Variants in NCALD observed in about 807,000 individuals in gnomAD.
The protein encoded by NCALD is neurocalcin delta, also known as neurocalcin-delta.
In NCALD, 10 loss-of-function variants were observed where a neutral mutation model predicts 18.6. The ratio of observed to expected loss-of-function variants is 0.54; its 90% CI spans 0.33 to 0.91. NCALD has a LOEUF of 0.91. NCALD is among the 40% of genes least tolerant of loss of function. NCALD has a pLI of 0.03. For synonymous variants in NCALD, 88 were observed against 87.4 expected, an observed-to-expected ratio of 1.01 and a Z score of -0.04; for missense variants, 184 against 247.6, an observed-to-expected ratio of 0.74 and a Z score of 1.72.
chr8:101,770,335 A>G (rs1370306415), intron 1 of NCALD, among the ~76,000 whole-genome samples: 4 of 152,206 alleles, frequency 2.6e-5, no homozygotes, highest in Non-Finnish European at 5.9e-5. Flanking sequence ...GACATACTAG[A>G]CTAACCCCTT....
At chr8:101,817,144 C>T (rs1453429178) in intron 4 of NCALD, among the ~76,000 whole-genome samples, 1 of 152,088 alleles carries the variant, frequency 6.6e-6, no homozygotes, top group Non-Finnish European at 1.5e-5. Flanking sequence ...CTTGGTTGAA[C>T]CCAAACCGAG....
chr8:102,062,233 T>C (rs989465482), intron 1 of NCALD, among the ~76,000 whole-genome samples: 3 of 151,808 alleles, frequency 2.0e-5, no homozygotes, highest in African/African-American at 7.3e-5. Flanking sequence ...AGTCCAGGAG[T>C]TCAAGGTTAC....
At chr8:101,883,038 A>G (rs1171021582) in intron 4 of NCALD, among the ~76,000 whole-genome samples, 1 of 152,254 alleles carries the variant, frequency 6.6e-6, no homozygotes, top group East Asian at 1.9e-4. Flanking sequence ...AAATGTATAA[A>G]GCATATTAAA....
intron 2 of NCALD, among the ~76,000 whole-genome samples, chr8:101,953,969 G>A (rs933923662): frequency 1.3e-5 from 2 of 152,314 alleles, no homozygotes; most frequent in East Asian, 3.9e-4. Context: ...CCTAACTCCA[G>A]GTAGTCAGCA....
At chr8:101,888,703 C>T (rs1816763990) in intron 3 of NCALD, among the ~76,000 whole-genome samples, 1 of 152,086 alleles carries the variant, frequency 6.6e-6, no homozygotes, top group African/African-American at 2.4e-5. Flanking sequence ...AGGCACAAAC[C>T]ACCACACCCA....
intron 2 of NCALD, among the ~76,000 whole-genome samples, chr8:101,986,010 TTTTC>T (rs765213118): frequency 7.2e-5 from 11 of 151,914 alleles, no homozygotes; most frequent in African/African-American, 1.2e-4. Flanking sequence ...CTCAATCCAG[TTTTC>T]TTTCTTTCTT....
At chr8:101,868,255 G>T (rs533873368) in intron 4 of NCALD, among the ~76,000 whole-genome samples, 38 of 152,054 alleles carry the variant, frequency 2.5e-4, no homozygotes, top group Admixed American at 9.8e-4. Context: ...TCCTCCTCAT[G>T]CATCAAGGAG....
At chr8:102,113,361 G>A (rs1380926171) in intron 1 of NCALD, among the ~76,000 whole-genome samples, 2 of 152,184 alleles carry the variant, frequency 1.3e-5, no homozygotes, top group African/African-American at 4.8e-5. Context: ...ACAGAAGAAA[G>A]TTTATAAATA....
At chr8:101,786,891 C>T (rs1008973469) in intron 1 of NCALD, among the ~76,000 whole-genome samples, 2 of 151,978 alleles carry the variant, frequency 1.3e-5, no homozygotes, top group Non-Finnish European at 2.9e-5. Flanking sequence ...AAAGGGATGC[C>T]GTGTCTTTAT....
intron 4 of NCALD, among the ~76,000 whole-genome samples, chr8:101,877,325 A>C (rs1316296727): frequency 6.6e-6 from 1 of 152,194 alleles, no homozygotes; most frequent in East Asian, 1.9e-4. Flanking sequence ...TGAGCTGCTA[A>C]CTAATGACTT....
At chr8:101,764,514 G>A (rs1488715366) in intron 1 of NCALD, among the ~76,000 whole-genome samples, 1 of 152,192 alleles carries the variant, frequency 6.6e-6, no homozygotes, top group Admixed American at 6.5e-5. Flanking sequence ...CCATTGGAGT[G>A]GGTTTAGGAT....
At chr8:101,713,450 GAC>G (rs1443316024) in intron 2 of NCALD, among the ~76,000 whole-genome samples, 1 of 147,362 alleles carries the variant, frequency 6.8e-6, no homozygotes, top group Admixed American at 6.8e-5. Context: ...AGGAGATAGA[GAC>G]ACAAAAAAAA....
In NCALD at chr8:101,689,555, A is replaced by C. The variant is rs1814622226; in HGVS notation, c.485-149T>G. ...ACAGCACTCACCTGTCCCGGGGAAG[A>C]GCCCAGTGGAATCTCCAGGAACACT... On this transcript the variant is annotated intron_variant, in intron 3 of 3. Transcript: ENST00000220931. The surrounding 1 kb of genome is among the most constrained non-coding windows in gnomAD (Gnocchi z 4.4). The C allele has an allele frequency of 3.1e-6, 2 of 641,926 alleles. No individual in the cohort carries two copies. The highest frequency in any genetic ancestry group is 5.5e-6 in the Non-Finnish European group (2 of 363,332). 39.8% of individuals were successfully genotyped at this position (641,926 alleles called of 1,614,324 possible). A position where few individuals can be genotyped will look rare whatever the true frequency, so the allele number is the denominator to read the frequency against.
chr8:101,791,824 A>C (rs1185337993), upstream of NCALD, among the ~76,000 whole-genome samples: 2 of 152,186 alleles, frequency 1.3e-5, no homozygotes, highest in African/African-American at 4.8e-5. Flanking sequence ...AACATTGAGT[A>C]AACAGGGCCA....
chr8:101,714,636 A>G (rs1023634175), intron 2 of NCALD, among the ~76,000 whole-genome samples: 6 of 152,204 alleles, frequency 3.9e-5, no homozygotes, highest in African/African-American at 1.4e-4. Flanking sequence ...AATTAGAAAA[A>G]AGTACTTTAA....
At chr8:102,031,563 G>T (rs1279263305) in intron 1 of NCALD, among the ~76,000 whole-genome samples, 1 of 152,116 alleles carries the variant, frequency 6.6e-6, no homozygotes, top group African/African-American at 2.4e-5. Context: ...TGCAGTGGAG[G>T]TTATATCTGT....
chr8:101,963,467 GC>G (rs1819909214), intron 2 of NCALD, among the ~76,000 whole-genome samples: 1 of 152,116 alleles, frequency 6.6e-6, no homozygotes, highest in Non-Finnish European at 1.5e-5. Context: ...GACCAAGGAA[GC>G]ATGTGACTCC....
At chr8:102,019,345 C>T (rs143743506) in intron 2 of NCALD, among the ~76,000 whole-genome samples, 11 of 152,090 alleles carry the variant, frequency 7.2e-5, no homozygotes, top group African/African-American at 2.4e-4. Flanking sequence ...ATTGATACAC[C>T]ATTTTTGAAA....
chr8:101,955,439 A>G (rs912655000), intron 2 of NCALD, among the ~76,000 whole-genome samples: 1 of 152,192 alleles, frequency 6.6e-6, no homozygotes, highest in African/African-American at 2.4e-5. Flanking sequence ...CTGAAAAAAT[A>G]AAAGTCACAG....
Sources: allele counts gnomAD v4.1 joint callset (sites outside exome capture counted in the v4.1 genomes callset), GRCh38; gene constraint gnomAD v4.1.1; non-coding constraint Gnocchi (gnomAD v3.1); transcripts MANE v1.5; gene names NCBI Gene and HGNC (gene_info 2026-07-23, HGNC 2026-07-21).